PCNT: variants seen among roughly 807,000 people sequenced by gnomAD.
PCNT encodes pericentrin, also known as kendrin.
In PCNT, 319 loss-of-function variants were observed where a neutral mutation model predicts 380.4. That is an observed-to-expected ratio of 0.84 (90% confidence interval 0.77 to 0.92). The LOEUF (loss-of-function observed/expected upper bound fraction) is 0.92. Among genes scored for constraint, PCNT ranks in the 40% least tolerant of loss-of-function variants. The probability of loss-of-function intolerance (pLI) is 0.00; values close to 1 mark genes in which losing one functional copy is unlikely to be tolerated. For missense variants in PCNT, 4,400 were observed against 4,255.3 expected, an observed-to-expected ratio of 1.03 and a Z score of -0.95; for synonymous variants, 1,845 against 1,735.2, an observed-to-expected ratio of 1.06 and a Z score of -1.57.
In PCNT at chr21:46,389,197, A is replaced by G. The variant is rs2085947999; in HGVS notation, c.3608-2A>G. 6 of 1,613,628 alleles carry G rather than the reference A, an allele frequency of 3.7e-6. No homozygotes were observed. Among genetic ancestry groups the G allele is most frequent in the South Asian group, 1.1e-5 (1 of 91,062 alleles). Reference sequence around the variant, plus strand: ...GTGTGCCGGCATCTGCTCATCTTGTAGCTCCGGCGCTGGAGGAGACATGGT... The same window carrying G: ...GTGTGCCGGCATCTGCTCATCTTGTGGCTCCGGCGCTGGAGGAGACATGGT... On this transcript the variant is annotated splice_acceptor_variant, in intron 18 of 46. Coordinates refer to ENST00000359568, the MANE Select transcript of PCNT (RefSeq NM_006031.6). LOFTEE classifies it high-confidence loss of function.
At chr21:46,367,238 C>G in intron 15 of PCNT, 99 bp downstream of exon 15, 2 of 1,005,008 alleles carry the variant, frequency 2.0e-6, no homozygotes, top group Non-Finnish European at 3.0e-6. Context: ...GCTGTGTGTG[C>G]CTGTGCGGGT....
intron 15 of PCNT, among the ~76,000 whole-genome samples, chr21:46,368,717 T>C (rs1437747499): frequency 1.3e-5 from 2 of 152,248 alleles, no homozygotes; most frequent in Admixed American, 6.5e-5. Context: ...CCTATCTCCC[T>C]GCAGGAAGGG....
intron 14 of PCNT, 100 bp downstream of exon 14, chr21:46,364,034 T>C: frequency 9.1e-7 from 1 of 1,103,866 alleles, no homozygotes; most frequent in Non-Finnish European, 1.3e-6. Flanking sequence ...TGGGCTCCAC[T>C]GGGCGAAAAG....
intron 4 of PCNT, 99 bp downstream of exon 4, chr21:46,346,307 T>A: frequency 1.4e-5 from 9 of 665,188 alleles, no homozygotes; most frequent in South Asian, 1.3e-4. Flanking sequence ...CGCTGCCATC[T>A]CCTTTCTCTG....
rs1043433778 is a variant in PCNT, at chr21:46,382,183, C to T, written c.3312+343C>T. Among the ~76,000 whole-genome samples, 8 of 122,900 alleles carry T rather than the reference C, an allele frequency of 6.5e-5. 1 individual carries two copies. The highest frequency in any genetic ancestry group is 1.1e-4 in the Non-Finnish European group (7 of 60,950). The allele number at this position is 122,900 out of a possible 152,430, so 80.6% of individuals were successfully genotyped here. ...CATAGTGTAGATTCAGTGGCGGAAG[C>T]GCATTCATAGTGTAGATTCAGTGGC... On this transcript the variant is annotated intron_variant, in intron 16 of 46. Transcript: ENST00000359568.
At chr21:46,387,350 A>AG (rs1190171412) in intron 17 of PCNT, among the ~76,000 whole-genome samples, 2 of 152,038 alleles carry the variant, frequency 1.3e-5, no homozygotes, top group African/African-American at 4.8e-5. Context: ...CCAGTCACCC[A>AG]GGTCAGTGGG....
At chr21:46,383,716 G>T (rs1215889023) in intron 16 of PCNT, among the ~76,000 whole-genome samples, 3 of 146,320 alleles carry the variant, frequency 2.1e-5, no homozygotes, top group Non-Finnish European at 3.0e-5. Context: ...TCACAGTGTT[G>T]TATATTCAGT....
chr21:46,403,520 C>T lies in PCNT; in HGVS notation c.5115+1037C>T, dbSNP rs1397024889. On this transcript the variant is annotated intron_variant, in intron 27 of 46. Coordinates refer to ENST00000359568, the MANE Select transcript of PCNT (RefSeq NM_006031.6). ...AATTGTGTGTGTGGTGCCCACGCGG[C>T]GTGTGCTCGGTGAATGAACACAGCG... is the stretch of plus-strand genomic sequence containing the variant. 1.3e-3 allele frequency among the ~76,000 whole-genome samples: 132 copies of T among 105,086 alleles called. 5 individuals are homozygous for T. Among genetic ancestry groups the T allele is most frequent in the Non-Finnish European group, 2.3e-3 (121 of 52,592 alleles). 68.9% of individuals were successfully genotyped at this position (105,086 alleles called of 152,430 possible). A position where few individuals can be genotyped will look rare whatever the true frequency, so the allele number is the denominator to read the frequency against.
At chr21:46,403,927 G>A (rs1442593893) in intron 27 of PCNT, among the ~76,000 whole-genome samples, 2 of 141,260 alleles carry the variant, frequency 1.4e-5, no homozygotes, top group Non-Finnish European at 3.2e-5. Context: ...GTGCCCACGC[G>A]GCGCGTGCTC....
rs1244184920 is a variant in PCNT, at chr21:46,371,206, C to CTT, written c.3165+4069_3165+4070dup. On this transcript the variant is annotated intron_variant, in intron 15 of 46. Coordinates refer to ENST00000359568, the MANE Select transcript of PCNT (RefSeq NM_006031.6). ...ATCTGCACACAGTATGGTTTATTTT[C>CTT]TTTCTTTCTTTTTTTTTTTTTTTTT... 9.7e-5 allele frequency among the ~76,000 whole-genome samples: 12 copies of CTT among 123,692 alleles called. 1 individual carries two copies. The highest frequency in any genetic ancestry group is 1.3e-4 in the Non-Finnish European group (7 of 54,358). The allele number at this position is 123,692 out of a possible 152,430, so 81.1% of individuals were successfully genotyped here.
intron 8 of PCNT, among the ~76,000 whole-genome samples, chr21:46,350,217 TAG>T: frequency 6.6e-6 from 1 of 152,222 alleles, no homozygotes; most frequent in South Asian, 2.1e-4. Context: ...AAAAAATAAA[TAG>T]AGTGTTAGTG....
intron 3 of PCNT, among the ~76,000 whole-genome samples, chr21:46,340,746 TG>T (rs2083889604): frequency 6.6e-6 from 1 of 151,910 alleles, no homozygotes; most frequent in Non-Finnish European, 1.5e-5. Context: ...CTCGGCTCAC[TG>T]CAACCTTCAC....
intron 24 of PCNT, among the ~76,000 whole-genome samples, chr21:46,399,329 C>T (rs2086335748): frequency 1.6e-5 from 2 of 122,822 alleles, no homozygotes; most frequent in African/African-American, 5.8e-5. Context: ...GTCTAGGTCT[C>T]CCTGTGCAGC....
rs759570685 is a variant in PCNT at position 46,355,589 on chromosome 21, C to T, written c.1899C>T (p.His633=). Residue 633 remains histidine (H), a synonymous_variant, in exon 12 of 47, where the codon CAC becomes CAT. Coordinates refer to ENST00000359568, the MANE Select transcript of PCNT (RefSeq NM_006031.6). ...GCGTAGAGACTTCAGCATTGGGACA[C>T]GAGTGGCGTCTGGAACCCTCTGAAG... The part of the protein sequence containing the change: ...RCCVETSALG[H]EWRLEPSEGH... The T allele has an allele frequency of 6.8e-6, 11 of 1,613,940 alleles. No homozygotes were observed. Among genetic ancestry groups the T allele is most frequent in the South Asian group, 6.6e-5 (6 of 91,080 alleles).
chr21:46,325,542 CCA>C (rs2083360468), intron 1 of PCNT, among the ~76,000 whole-genome samples: 1 of 152,212 alleles, frequency 6.6e-6, no homozygotes, highest in Non-Finnish European at 1.5e-5. Context: ...CCTTGAGAGA[CCA>C]TTTTCTTGTG....
intron 15 of PCNT, among the ~76,000 whole-genome samples, chr21:46,370,167 G>C (rs567915092): frequency 6.6e-6 from 1 of 151,858 alleles, no homozygotes. Context: ...GTGCAGCTTC[G>C]TGGGGGCAGA....
intron 1 of PCNT, chr21:46,325,260 G>C: frequency 1.1e-6 from 1 of 950,430 alleles, no homozygotes; most frequent in South Asian, 4.8e-5. Flanking sequence ...CTGGGGAAGA[G>C]CGGGGCTCCC....
At chr21:46,328,292 T>C (rs1046301131) in intron 2 of PCNT, among the ~76,000 whole-genome samples, 1 of 150,192 alleles carries the variant, frequency 6.7e-6, no homozygotes, top group African/African-American at 2.5e-5. Context: ...TAAGATACAG[T>C]CTCTCTGTTG....
intron 33 of PCNT, 94 bp from the exon 34 acceptor site, chr21:46,427,528 G>A: frequency 2.8e-6 from 4 of 1,414,850 alleles, no homozygotes; most frequent in East Asian, 2.3e-5. Context: ...CCTCCCGCAG[G>A]CCCCATCTCC....
Sources: gnomAD v4.1 joint callset for allele counts (sites outside exome capture counted in the v4.1 genomes callset) on GRCh38, gnomAD v4.1.1 for gene constraint, MANE v1.5 for transcripts, NCBI Gene and HGNC (gene_info 2026-07-23, HGNC 2026-07-21) for gene names.